PCDHGA1: variants seen among roughly 807,000 people sequenced by gnomAD.
PCDHGA1 encodes the protein protocadherin gamma subfamily A, 1, also known as protocadherin gamma-A1.
Under a neutral mutation model 58.0 loss-of-function variants are expected in PCDHGA1, and 32 were observed. The observed-to-expected ratio is 0.55, with a 90% CI of 0.42 to 0.74. PCDHGA1 has a LOEUF of 0.74. PCDHGA1 is among the 30% of genes least tolerant of loss of function. The pLI, the probability that PCDHGA1 is intolerant of heterozygous loss-of-function variation, is 0.00. For missense variants in PCDHGA1, 1,205 were observed against 1,182.3 expected, an observed-to-expected ratio of 1.02 and a Z score of -0.28; for synonymous variants, 498 against 501.1, an observed-to-expected ratio of 0.99 and a Z score of 0.08.
intron 1 of PCDHGA1, among the ~76,000 whole-genome samples, chr5:141,474,684 T>A (rs1302389621): frequency 6.6e-6 from 1 of 152,246 alleles, no homozygotes; most frequent in Non-Finnish European, 1.5e-5. Context: ...TGCCTACCCC[T>A]TCACTTATGT....
intron 1 of PCDHGA1, chr5:141,371,563 TC>T: frequency 6.2e-7 from 1 of 1,613,806 alleles, no homozygotes; most frequent in Non-Finnish European, 8.5e-7. Context: ...AAAGGAAACT[TC>T]CCCTTTAAAA....
chr5:141,347,167 CT>C, intron 1 of PCDHGA1, among the ~76,000 whole-genome samples: 1 of 143,136 alleles, frequency 7.0e-6, no homozygotes, highest in South Asian at 2.2e-4. Flanking sequence ...TTCTTTCTTT[CT>C]TTCTTTCTTT....
intron 1 of PCDHGA1, among the ~76,000 whole-genome samples, chr5:141,358,460 G>A (rs1316337795): frequency 6.6e-6 from 1 of 152,076 alleles, no homozygotes; most frequent in South Asian, 2.1e-4. Context: ...AAGAATACTG[G>A]CAATTTGTGA....
At chr5:141,450,241 C>T (rs1236675009) in intron 1 of PCDHGA1, among the ~76,000 whole-genome samples, 1 of 152,094 alleles carries the variant, frequency 6.6e-6, no homozygotes, top group East Asian at 1.9e-4. Flanking sequence ...TAGTCTTGAA[C>T]TCCTGACCTC....
chr5:141,465,520 G>C (rs2099104807), intron 1 of PCDHGA1, among the ~76,000 whole-genome samples: 1 of 152,144 alleles, frequency 6.6e-6, no homozygotes, highest in Non-Finnish European at 1.5e-5. Flanking sequence ...GAAGGATTCT[G>C]GGGAAGTTTT....
chr5:141,346,168 T>C (rs1757707161), intron 1 of PCDHGA1: 5 of 1,614,048 alleles, frequency 3.1e-6, no homozygotes, highest in Non-Finnish European at 4.2e-6. Flanking sequence ...ATCGTGCTGC[T>C]GGCGCTCAGG....
chr5:141,375,257 T>C, intron 1 of PCDHGA1: 1 of 1,613,890 alleles, frequency 6.2e-7, no homozygotes, highest in Middle Eastern at 1.6e-4. Flanking sequence ...AAGTCTCCCA[T>C]TTGAATTGGA....
rs367731612 is a variant in PCDHGA1, at chr5:141,419,406, C to T, written c.2422-75401C>T. The T allele has an allele frequency of 6.5e-5, 105 of 1,613,522 alleles. 1 individual carries two copies. The South Asian group carries it at 1.0e-3, about 16-fold the overall frequency. Reference sequence around the variant, plus strand: ...AGCGCGCAGAGCGGGGTGGTGTTCGCGCAGCGCGCCTTCGACCACGAGCAG... The same window carrying T: ...AGCGCGCAGAGCGGGGTGGTGTTCGTGCAGCGCGCCTTCGACCACGAGCAG... On this transcript the variant is annotated intron_variant, in intron 1 of 3. Transcript: ENST00000517417.
intron 1 of PCDHGA1, chr5:141,414,845 T>C: frequency 1.2e-6 from 2 of 1,614,218 alleles, no homozygotes; most frequent in South Asian, 1.1e-5. Flanking sequence ...CTGTTTGTGC[T>C]GGACCAGAAC....
At chr5:141,365,669 G>A (rs1304025932) in intron 1 of PCDHGA1, 2 of 1,613,344 alleles carry the variant, frequency 1.2e-6, no homozygotes, top group Admixed American at 3.3e-5. Flanking sequence ...AGACGTTAAT[G>A]ACAACCCACC....
chr5:141,435,260 T>C (rs1591368331), intron 1 of PCDHGA1, among the ~76,000 whole-genome samples: 1 of 152,236 alleles, frequency 6.6e-6, no homozygotes, highest in African/African-American at 2.4e-5. Context: ...TAGGGATATG[T>C]CCATTTATAC....
intron 1 of PCDHGA1, chr5:141,345,321 C>T: frequency 6.2e-7 from 1 of 1,613,972 alleles, no homozygotes; most frequent in South Asian, 1.1e-5. Flanking sequence ...TGGGGGAAGC[C>T]CGCCACTGTC....
intron 1 of PCDHGA1, chr5:141,388,678 C>T (rs1347655255): frequency 5.6e-6 from 9 of 1,613,818 alleles, no homozygotes; most frequent in Non-Finnish European, 7.6e-6. Flanking sequence ...CTACAGGTGA[C>T]TGCCACGGAC....
chr5:141,494,234 A>G (rs1299510042), intron 1 of PCDHGA1, among the ~76,000 whole-genome samples: 1 of 152,138 alleles, frequency 6.6e-6, no homozygotes, highest in Non-Finnish European at 1.5e-5. Context: ...CTAAATTAAT[A>G]ATGTATTTAG....
Position 141,489,417 on chromosome 5 carries a change from G to A in PCDHGA1, c.2422-5390G>A, listed in dbSNP as rs1020232739. On this transcript the variant is annotated intron_variant, in intron 1 of 3. Coordinates refer to ENST00000517417, the MANE Select transcript of PCDHGA1 (RefSeq NM_018912.3). This position sits in a 1 kb window ranked among gnomAD's most constrained non-coding sequence, Gnocchi z 4.5. ...ATCTGGGCTTAAAGATGACAGATCT[G>A]TTGAGCCGGCGGCTGCAATTGGGCT... The A allele has an allele frequency of 1.2e-6, 2 of 1,614,172 alleles. No individual in the cohort carries two copies. The highest frequency in any genetic ancestry group is 3.3e-5 in the Admixed American group (2 of 60,030).
In PCDHGA1 at chr5:141,512,264, C is replaced by G. The variant is rs1453959730; in HGVS notation, c.*1091C>G. 6.5e-6 allele frequency: 1 copy of G among 152,684 alleles called. No homozygotes were observed. The highest frequency in any genetic ancestry group is 1.5e-5 in the Non-Finnish European group (1 of 68,096). 9.5% of individuals were successfully genotyped at this position (152,684 alleles called of 1,614,324 possible). ...GGGGCCTCTGTGGGTGCTGGGTACTCCAGAGGTGCCACTGGTGGAAGGGTC... is the reference window on the plus strand; with the variant it reads ...GGGGCCTCTGTGGGTGCTGGGTACTGCAGAGGTGCCACTGGTGGAAGGGTC... On this transcript the variant is annotated 3_prime_UTR_variant, in exon 4 of 4. Transcript: ENST00000517417.
At chr5:141,353,833 C>G (rs143341635) in intron 1 of PCDHGA1, among the ~76,000 whole-genome samples, 2 of 152,274 alleles carry the variant, frequency 1.3e-5, no homozygotes, top group African/African-American at 2.4e-5. Flanking sequence ...TTTGTGCGGT[C>G]TTTGAGGATT....
chr5:141,395,310 A>T (rs752171326), intron 1 of PCDHGA1: 1 of 1,502,292 alleles, frequency 6.7e-7, no homozygotes, highest in African/African-American at 1.4e-5. Context: ...TTTGAAAAAC[A>T]TTGTGAAGAT....
intron 1 of PCDHGA1, chr5:141,351,875 A>G (rs921093798): frequency 3.7e-6 from 6 of 1,613,296 alleles, no homozygotes; most frequent in Non-Finnish European, 5.1e-6. Flanking sequence ...CCCCGCGCTC[A>G]GCGCCAACGT....
Sources: gnomAD v4.1 joint callset for allele counts (sites outside exome capture counted in the v4.1 genomes callset) on GRCh38, gnomAD v4.1.1 for gene constraint, Gnocchi (gnomAD v3.1) non-coding constraint, MANE v1.5 for transcripts, NCBI Gene and HGNC (gene_info 2026-07-23, HGNC 2026-07-21) for gene names.